The following TBC1D24 variants were observed in gnomAD, a reference collection of about 807,000 sequenced individuals.
TBC1D24 encodes the protein TBC1 domain family member 24, also known as Infantile myoclonic epilepsy.
Under a neutral mutation model 50.7 loss-of-function variants are expected in TBC1D24, and 47 were observed. The observed-to-expected ratio is 0.93, with a 90% confidence interval of 0.73 to 1.18. The LOEUF (loss-of-function observed/expected upper bound fraction) is 1.18. Among genes scored for constraint, TBC1D24 ranks in the 50% most tolerant of loss-of-function variants. TBC1D24 has a pLI of 0.00. For synonymous variants in TBC1D24, 324 were observed against 335.2 expected, an observed-to-expected ratio of 0.97 and a Z score of 0.36; for missense variants, 688 against 766.5, an observed-to-expected ratio of 0.90 and a Z score of 1.21.
chr16:2,482,575 G>A lies in TBC1D24; in HGVS notation c.-116+7405G>A, dbSNP rs1196960950. ...GAGGGGCAGGGAGGGGCTGGGTCCT[G>A]AAGGGCGGGGGACACCAGGAGAGGG... On this transcript the variant is annotated intron_variant, in intron 1 of 7. Transcript: ENST00000646147. The surrounding 1 kb of genome is among the most constrained non-coding windows in gnomAD (Gnocchi z 5.2). Among the ~76,000 whole-genome samples the A allele has an allele frequency of 1.3e-5, 2 of 152,146 alleles. No individual in the cohort carries two copies. The highest frequency in any genetic ancestry group is 1.3e-4 in the Admixed American group (2 of 15,278).
rs913599271 is a variant in TBC1D24, at chr16:2,482,592, A to C, written c.-116+7422A>C. 5.3e-5 allele frequency among the ~76,000 whole-genome samples: 8 copies of C among 152,116 alleles called. No homozygotes were observed. The highest frequency in any genetic ancestry group is 1.0e-4 in the Non-Finnish European group (7 of 68,010). ...TGGGTCCTGAAGGGCGGGGGACACCAGGAGAGGGTTTCGGGTGGAGAACGG... is the reference window on the plus strand; with the variant it reads ...TGGGTCCTGAAGGGCGGGGGACACCCGGAGAGGGTTTCGGGTGGAGAACGG... On this transcript the variant is annotated intron_variant, in intron 1 of 7. Transcript: ENST00000646147. The surrounding 1 kb of genome is among the most constrained non-coding windows in gnomAD (Gnocchi z 5.2).
rs1236145214 is a variant in TBC1D24, at chr16:2,496,484, G to A, written c.336G>A (p.Gly112=). Reference sequence around the variant, plus strand: ...ACTGCCTGAATGCACGCGGCGAGGGGGCCGTGCGCAAGATCCTCCTGTGCC... The same window carrying A: ...ACTGCCTGAATGCACGCGGCGAGGGAGCCGTGCGCAAGATCCTCCTGTGCC... The part of the protein sequence containing the change: ...PSYCLNARGE[G]AVRKILLCLA... Residue 112 remains glycine, a synonymous_variant, in exon 2 of 8, where the codon GGG becomes GGA. Transcript: ENST00000646147. 4.3e-6 allele frequency: 7 copies of A among 1,610,426 alleles called. No individual in the cohort carries two copies. The highest frequency in any genetic ancestry group is 1.6e-4 in the Middle Eastern group (1 of 6,062).
At chr16:2,494,683 T>C (rs1024509132) in intron 1 of TBC1D24, among the ~76,000 whole-genome samples, 1 of 152,058 alleles carries the variant, frequency 6.6e-6, no homozygotes, top group Non-Finnish European at 1.5e-5. Flanking sequence ...AGATTATAGA[T>C]ATGAGCCACT....
rs1444197330 is a variant in TBC1D24, at chr16:2,486,152, C to T, written c.-115-9882C>T. Among the ~76,000 whole-genome samples the T allele has an allele frequency of 1.3e-5, 2 of 152,204 alleles. No homozygotes were observed. The highest frequency in any genetic ancestry group is 4.8e-5 in the African/African-American group (2 of 41,456). On this transcript the variant is annotated intron_variant, in intron 1 of 7. Transcript: ENST00000646147. This position sits in a 1 kb window ranked among gnomAD's most constrained non-coding sequence, Gnocchi z 5.8. Reference sequence around the variant, plus strand: ...GCACTTGGCAAGGTCCAGGGGCTTCCGTGGGGAGCGAGATTGTTTTGGATC... The same window carrying T: ...GCACTTGGCAAGGTCCAGGGGCTTCTGTGGGGAGCGAGATTGTTTTGGATC...
rs1274130724 is a variant in TBC1D24, at chr16:2,496,566, C to T, written c.418C>T (p.Leu140=). 1.9e-6 allele frequency: 3 copies of T among 1,608,928 alleles called. No individual in the cohort carries two copies. Among genetic ancestry groups the T allele is most frequent in the African/African-American group, 1.3e-5 (1 of 74,938 alleles). ...CCCCGCCCTGCCGGCCGTGGTGGCC[C>T]TGCTGCTGCACTACAGCATCGACGA... The part of the protein sequence containing the change: ...FCPALPAVVA[L]LLHYSIDEAE... Residue 140 remains leucine (L), a synonymous_variant, in exon 2 of 8, where the codon CTG becomes TTG. Coordinates refer to ENST00000646147, the MANE Select transcript of TBC1D24 (RefSeq NM_001199107.2).
rs1243852192 is a variant in TBC1D24, at chr16:2,487,892, C to T, written c.-115-8142C>T. 6.6e-6 allele frequency among the ~76,000 whole-genome samples: 1 copy of T among 152,112 alleles called. No individual in the cohort carries two copies. Among genetic ancestry groups the T allele is most frequent in the Non-Finnish European group, 1.5e-5 (1 of 68,016 alleles). Reference sequence around the variant, plus strand: ...CTCTGGAGCCTCTCTCGGAGGTCCTCGCTGTCCCAGGATGAAGGGAGATGG... The same window carrying T: ...CTCTGGAGCCTCTCTCGGAGGTCCTTGCTGTCCCAGGATGAAGGGAGATGG... On this transcript the variant is annotated intron_variant, in intron 1 of 7. Transcript: ENST00000646147. The surrounding 1 kb of genome is among the most constrained non-coding windows in gnomAD (Gnocchi z 4.1).
In TBC1D24 at chr16:2,496,364, C is replaced by T. The variant is rs749814291; in HGVS notation, c.216C>T (p.Ser72=). Reference sequence around the variant, plus strand: ...GCCGCACGGTCACGCCTGACGCCAGCGTGTACAGCGACATCGTGGGCAAGA... The same window carrying T: ...GCCGCACGGTCACGCCTGACGCCAGTGTGTACAGCGACATCGTGGGCAAGA... ...IPCRTVTPDA[S]VYSDIVGKIV... is the part of the protein sequence containing the mutation. The change falls in exon 2 of 8, where the codon AGC becomes AGT. Residue 72 remains serine, a synonymous_variant. Coordinates refer to ENST00000646147, the MANE Select transcript of TBC1D24 (RefSeq NM_001199107.2). The T allele has an allele frequency of 6.2e-6, 10 of 1,613,448 alleles. No homozygotes were observed. The highest frequency in any genetic ancestry group is 4.4e-5 in the South Asian group (4 of 91,090).
chr16:2,489,154 T>C (rs2141862640), intron 1 of TBC1D24, among the ~76,000 whole-genome samples: 1 of 141,090 alleles, frequency 7.1e-6, no homozygotes, highest in Admixed American at 7.2e-5. Flanking sequence ...GAATGAGGCA[T>C]GGCCCAATGG....
chr16:2,502,434 C>A lies in TBC1D24; in HGVS notation c.*1476C>A, dbSNP rs1425962899. 6.6e-6 allele frequency: 1 copy of A among 152,184 alleles called. No individual in the cohort carries two copies. Among genetic ancestry groups the A allele is most frequent in the Non-Finnish European group, 1.5e-5 (1 of 68,054 alleles). The allele number at this position is 152,184 out of a possible 1,614,324, so 9.4% of individuals were successfully genotyped here. On this transcript the variant is annotated 3_prime_UTR_variant, in exon 8 of 8. Transcript: ENST00000646147. ...CCCCCACCCCCGTCCCTGCTGGCCT[C>A]CAGCCAGTGCCACTTGGAGTCCCCT...
At chr16:2,493,202 A>G (rs1224803650) in intron 1 of TBC1D24, among the ~76,000 whole-genome samples, 2 of 151,710 alleles carry the variant, frequency 1.3e-5, no homozygotes, top group South Asian at 2.1e-4. Context: ...GCAGTGGCAC[A>G]ATCTCGGCTC....
chr16:2,491,555 ATT>A (rs34967659), intron 1 of TBC1D24, among the ~76,000 whole-genome samples: 11 of 134,342 alleles, frequency 8.2e-5, no homozygotes, highest in African/African-American at 8.2e-5. Flanking sequence ...CGCCTGGCTA[ATT>A]TTTTTTTTTT....
rs933923286 is a variant in TBC1D24 at position 2,498,056 on chromosome 16, G to A, written c.984-182G>A. 3.3e-5 allele frequency among the ~76,000 whole-genome samples: 5 copies of A among 152,204 alleles called. No individual in the cohort carries two copies. The East Asian group carries it at 9.6e-4, about 29-fold the overall frequency. On this transcript the variant is annotated intron_variant, in intron 3 of 7. Coordinates refer to ENST00000646147, the MANE Select transcript of TBC1D24 (RefSeq NM_001199107.2). ...TTCCCTTCTGTAATGGGTGGGAGGT[G>A]GGGCTCCTGGGAACTTTCTCCCCGT...
At chr16:2,493,563 T>G (rs1448141779) in intron 1 of TBC1D24, 9 of 152,240 alleles carry the variant, frequency 5.9e-5, no homozygotes. Context: ...TTTCAAGAAC[T>G]GTTTTAAAGC....
At chr16:2,484,855 C>CT (rs1418359230) in intron 1 of TBC1D24, 7 of 152,332 alleles carry the variant, frequency 4.6e-5, no homozygotes, top group Non-Finnish European at 1.0e-4. Flanking sequence ...CCTTTCCCAG[C>CT]ACGTAGGTGG....
chr16:2,497,631 G>C, intron 2 of TBC1D24, 79 bp from the exon 3 acceptor site: 4 of 1,408,362 alleles, frequency 2.8e-6, no homozygotes, highest in East Asian at 2.5e-5. Flanking sequence ...GGCCTGTCGG[G>C]GGATCGGTAC....
At chr16:2,479,755 C>T (rs1204254082) in intron 1 of TBC1D24, 2 of 152,436 alleles carry the variant, frequency 1.3e-5, no homozygotes, top group East Asian at 1.9e-4. Context: ...CCTCCGAGGA[C>T]TGTGCATATG....
At position 2,475,192 on chromosome 16, in the gene TBC1D24, G is replaced by A. The variant is rs1189324230; in HGVS notation, c.-116+22G>A. ...GGAGGTGGGTGCGCTCGGGGCGTGC[G>A]GGGGGCGCGCGGCGGGGTGGCGGGT... On this transcript the variant is annotated intron_variant, in intron 1 of 7. Coordinates refer to ENST00000646147, the MANE Select transcript of TBC1D24 (RefSeq NM_001199107.2). This position sits in a 1 kb window ranked among gnomAD's most constrained non-coding sequence, Gnocchi z 4.2. 2.0e-5 allele frequency: 3 copies of A among 149,308 alleles called. No homozygotes were observed. Among genetic ancestry groups the A allele is most frequent in the Non-Finnish European group, 4.5e-5 (3 of 66,654 alleles). The allele number at this position is 149,308 out of a possible 1,614,324, so 9.2% of individuals were successfully genotyped here. A position where few individuals can be genotyped will look rare whatever the true frequency, so the allele number is the denominator to read the frequency against.
Position 2,499,455 on chromosome 16 carries a change from A to T in TBC1D24, c.1206+35A>T, listed in dbSNP as rs2065772167. 1 of 1,578,660 alleles carries T rather than the reference A, an allele frequency of 6.3e-7. No individual in the cohort carries two copies. Among genetic ancestry groups the T allele is most frequent in the Non-Finnish European group, 8.7e-7 (1 of 1,154,274 alleles). On this transcript the variant is annotated intron_variant, in intron 5 of 7. Transcript: ENST00000646147. The surrounding 1 kb of genome is among the most constrained non-coding windows in gnomAD (Gnocchi z 4.0). ...GGCCCTGGAGCCAGGGCTGGCTCTG[A>T]TGGGCTCCAGGGCTGGCTCTGATGG... is the stretch of plus-strand genomic sequence containing the variant.
At chr16:2,494,410 T>C (rs1478964437) in intron 1 of TBC1D24, among the ~76,000 whole-genome samples, 1 of 134,510 alleles carries the variant, frequency 7.4e-6, no homozygotes, top group Non-Finnish European at 1.5e-5. Flanking sequence ...AGACTCTGTC[T>C]CAAAAAAAAA....
Sources: allele counts gnomAD v4.1 joint callset (sites outside exome capture counted in the v4.1 genomes callset), GRCh38; gene constraint gnomAD v4.1.1; non-coding constraint Gnocchi (gnomAD v3.1); transcripts MANE v1.5; gene names NCBI Gene and HGNC (gene_info 2026-07-23, HGNC 2026-07-21).